VWA3B: variants seen among roughly 807,000 people sequenced by gnomAD.
VWA3B encodes von Willebrand factor A domain-containing protein 3B.
In VWA3B, 138 loss-of-function variants were observed where a neutral mutation model predicts 158.3. That is an observed-to-expected ratio of 0.87 (90% CI 0.76 to 1.00). The LOEUF (loss-of-function observed/expected upper bound fraction) is 1.00, where lower values mean the gene tolerates loss of function less well. Ranked by LOEUF, VWA3B falls within the 50% of genes least tolerant of loss-of-function variation. The probability of loss-of-function intolerance (pLI) is 0.00; values close to 1 mark genes in which losing one functional copy is unlikely to be tolerated. For missense variants in VWA3B, 1,555 were observed against 1,565.1 expected (o/e 0.99, Z 0.11); for synonymous variants, 596 against 587.3 (o/e 1.01, Z -0.21).
chr2:98,263,861 G>A (rs1687631989), intron 21 of VWA3B, among the ~76,000 whole-genome samples: 1 of 151,888 alleles, frequency 6.6e-6, no homozygotes, highest in African/African-American at 2.4e-5. Flanking sequence ...TAAGCCATGT[G>A]GTACTGGGCT....
At position 98,300,210 on chromosome 2, in the gene VWA3B, C is replaced by A. The variant is rs761851798; in HGVS notation, c.3414C>A (p.Asn1138Lys). 2.5e-6 allele frequency: 4 copies of A among 1,614,024 alleles called. No individual in the cohort carries two copies. Among genetic ancestry groups the A allele is most frequent in the Non-Finnish European group, 3.4e-6 (4 of 1,180,034 alleles). The change falls in exon 25 of 28, where the codon AAC becomes AAA. Residue 1138 changes from asparagine (N) to lysine (K), a missense_variant. Transcript: ENST00000477737. ...TCTACACAGTTTTGAAGTGTAACAA[C>A]CGGAGAGTAAGTAGATTTTCATTTA... ...EKFYTVLKCN[N>K]RREFCPRSAL... is the part of the protein sequence containing the mutation.
chr2:98,123,885 A>G (rs1466206590), intron 5 of VWA3B, among the ~76,000 whole-genome samples: 1 of 152,206 alleles, frequency 6.6e-6, no homozygotes, highest in Non-Finnish European at 1.5e-5. Context: ...AAGAAGACCA[A>G]GGGGTTTTGC....
intron 2 of VWA3B, among the ~76,000 whole-genome samples, chr2:98,104,677 T>C (rs1006175093): frequency 2.0e-5 from 3 of 152,252 alleles, no homozygotes; most frequent in African/African-American, 7.2e-5. Flanking sequence ...TAAATGTAGG[T>C]CTACCATGTT....
chr2:98,099,016 A>G (rs1467793387), intron 2 of VWA3B, among the ~76,000 whole-genome samples: 1 of 152,100 alleles, frequency 6.6e-6, no homozygotes, highest in Non-Finnish European at 1.5e-5. Context: ...AATTTTTGAT[A>G]TGATTTATAT....
intron 7 of VWA3B, among the ~76,000 whole-genome samples, chr2:98,152,487 A>T (rs1286412473): frequency 1.3e-5 from 2 of 152,162 alleles, no homozygotes; most frequent in Non-Finnish European, 2.9e-5. Flanking sequence ...CTGTCGGCAC[A>T]GGAGGAGGGA....
At chr2:98,320,488 A>G in the VWA3B span, among the ~76,000 whole-genome samples, 1 of 152,234 alleles carries the variant, frequency 6.6e-6, no homozygotes, top group African/African-American at 2.4e-5. Context: ...AGAAAAAGAC[A>G]GGAAAATGTT....
intron 7 of VWA3B, among the ~76,000 whole-genome samples, chr2:98,143,015 C>T (rs946382734): frequency 3.3e-5 from 5 of 151,972 alleles, no homozygotes; most frequent in East Asian, 1.9e-4. Context: ...AACGATAATA[C>T]GTATATGTTG....
chr2:98,093,443 A>G (rs926896073), intron 2 of VWA3B, among the ~76,000 whole-genome samples, 155 bp downstream of exon 2: 2 of 152,134 alleles, frequency 1.3e-5, no homozygotes, highest in Non-Finnish European at 2.9e-5. Flanking sequence ...TGTGCCCCCA[A>G]TATATGTGTA....
At chr2:98,115,829 T>G in intron 3 of VWA3B, 83 bp downstream of exon 3, 1 of 1,192,942 alleles carries the variant, frequency 8.4e-7, no homozygotes, top group Non-Finnish European at 1.2e-6. Flanking sequence ...GAGAGACTTG[T>G]GCTGCTTGGC....
intron 26 of VWA3B, among the ~76,000 whole-genome samples, chr2:98,304,933 C>T (rs909402135): frequency 3.9e-5 from 6 of 152,122 alleles, no homozygotes; most frequent in Non-Finnish European, 8.8e-5. Context: ...ATCGGATAGA[C>T]TCAACGTCCC....
intron 22 of VWA3B, among the ~76,000 whole-genome samples, chr2:98,275,043 T>C (rs1688437300): frequency 6.6e-6 from 1 of 152,212 alleles, no homozygotes. Flanking sequence ...GTCTGCCACG[T>C]GTTTGTTTAT....
intron 26 of VWA3B, among the ~76,000 whole-genome samples, chr2:98,308,111 T>TA (rs1491038565): frequency 2.6e-5 from 4 of 152,182 alleles, no homozygotes; most frequent in African/African-American, 7.2e-5. Flanking sequence ...AGACTTTTTT[T>TA]AAAAAAACAA....
intron 12 of VWA3B, among the ~76,000 whole-genome samples, chr2:98,204,596 T>C (rs191194787): frequency 3.9e-4 from 59 of 152,332 alleles, no homozygotes; most frequent in Non-Finnish European, 6.0e-4. Context: ...TTTTATACTT[T>C]GTTGGATTAA....
At chr2:98,087,501 C>T (rs1174706698) in intron 1 of VWA3B, 138 bp downstream of exon 1, 1 of 152,198 alleles carries the variant, frequency 6.6e-6, no homozygotes, top group Non-Finnish European at 1.5e-5. Context: ...GAAACAGTAC[C>T]AGGAAAGCTC....
At chr2:98,092,376 G>A (rs923161685) in intron 1 of VWA3B, among the ~76,000 whole-genome samples, 2 of 152,250 alleles carry the variant, frequency 1.3e-5, no homozygotes, top group Non-Finnish European at 2.9e-5. Context: ...TGGGCGCAGT[G>A]GCTCACGCCT....
chr2:98,192,929 C>T lies in VWA3B; in HGVS notation c.1498C>T (p.Leu500Phe). ...ATGGCTACAGGATGGGAGTCAAAGC[C>T]TCTTTGGAAGATTGCATAATGATTG... ...IKWLQDGSQSLFGRLHNDCIY... is the reference protein window; with the variant it reads ...IKWLQDGSQSFFGRLHNDCIY... Residue 500 changes from leucine (L) to phenylalanine (F), a missense_variant, in exon 11 of 28, where the codon CTC becomes TTC. Coordinates refer to ENST00000477737, the MANE Select transcript of VWA3B (RefSeq NM_144992.5). 6.2e-7 allele frequency: 1 copy of T among 1,614,176 alleles called. No homozygotes were observed. Among genetic ancestry groups the T allele is most frequent in the Non-Finnish European group, 8.5e-7 (1 of 1,180,038 alleles).
Position 98,093,271 on chromosome 2 carries a change from G to A in VWA3B, c.179G>A (p.Gly60Glu), listed in dbSNP as rs765276908. Residue 60 changes from glycine to glutamate, a missense_variant, in exon 2 of 28, where the codon GGA becomes GAA. Transcript: ENST00000477737. ...TTGAAACAGATTTTGTCACAGATCG[G>A]ATTCCCACATTGTGAAGGTACAGTA... The part of the protein sequence containing the change: ...LTLKQILSQI[G>E]FPHCEDYVAS... 3 of 1,613,976 alleles carry A rather than the reference G, an allele frequency of 1.9e-6. No homozygotes were observed. Among genetic ancestry groups the A allele is most frequent in the South Asian group, 1.1e-5 (1 of 91,076 alleles).
intron 23 of VWA3B, among the ~76,000 whole-genome samples, chr2:98,296,050 AAGT>A (rs1269274312): frequency 6.6e-6 from 1 of 152,252 alleles, no homozygotes; most frequent in Non-Finnish European, 1.5e-5. Flanking sequence ...ACAGTCCAAA[AAGT>A]TTAGGTCCAA....
At chr2:98,173,234 A>C (rs1679743069) in intron 8 of VWA3B, among the ~76,000 whole-genome samples, 1 of 152,240 alleles carries the variant, frequency 6.6e-6, no homozygotes, top group Non-Finnish European at 1.5e-5. Context: ...GAAGCGAATG[A>C]CACACTTGTC....
Sources: allele counts gnomAD v4.1 joint callset (sites outside exome capture counted in the v4.1 genomes callset), GRCh38; gene constraint gnomAD v4.1.1; transcripts MANE v1.5; gene names NCBI Gene and HGNC (gene_info 2026-07-23, HGNC 2026-07-21).